Variants in PRPF4 observed in about 807,000 individuals in gnomAD.
PRPF4 encodes the protein pre-mRNA splicing tri-snRNP complex factor PRPF4.
A neutral mutation model predicts 72.2 loss-of-function variants in PRPF4; 14 were observed. The ratio of observed to expected loss-of-function variants is 0.19; its 90% confidence interval spans 0.13 to 0.30. The LOEUF is 0.30. PRPF4 is among the 10% of genes least tolerant of loss of function. The pLI is 1.00. For missense variants in PRPF4, 478 were observed against 653.9 expected, an observed-to-expected ratio of 0.73 and a Z score of 2.93; for synonymous variants, 225 against 232.2, an observed-to-expected ratio of 0.97 and a Z score of 0.28.
intron 3 of PRPF4, among the ~76,000 whole-genome samples, chr9:113,279,490 A>C (rs1049026459): frequency 2.0e-5 from 3 of 151,826 alleles, no homozygotes; most frequent in African/African-American, 4.8e-5. Flanking sequence ...CAGCCTCCCA[A>C]GTGGCTGGGA....
intron 10 of PRPF4, among the ~76,000 whole-genome samples, chr9:113,288,565 T>G (rs751902440): frequency 6.6e-6 from 1 of 151,742 alleles, no homozygotes; most frequent in Non-Finnish European, 1.5e-5. Flanking sequence ...ACCTCCCGAG[T>G]AGCTGGGACT....
Position 113,283,444 on chromosome 9 carries a change from A to G in PRPF4, c.616A>G (p.Arg206Gly), listed in dbSNP as rs780738543. 74 of 1,614,034 alleles carry G rather than the reference A, an allele frequency of 4.6e-5. No individual in the cohort carries two copies. In the East Asian group the frequency reaches 1.5e-3, roughly 34 times the overall value. ...RLHKEIPETT[R>G]TSQMQELHKS... The stretch of plus-strand genomic sequence containing the variant: ...CCATAAGGAGATTCCTGAGACAACA[A>G]GGACCTCCCAGATGCAAGAGCTGCA... The change falls in exon 6 of 14, where the codon AGG becomes GGG. Residue 206 changes from arginine to glycine, a missense_variant. Transcript: ENST00000374198.
intron 2 of PRPF4, 82 bp downstream of exon 2, chr9:113,276,807 G>A: frequency 7.0e-7 from 1 of 1,436,102 alleles, no homozygotes; most frequent in South Asian, 1.4e-5. Flanking sequence ...GTTTTATAAT[G>A]TCAAAAAATT....
chr9:113,282,092 G>T (rs1194775787), intron 3 of PRPF4, among the ~76,000 whole-genome samples: 1 of 152,196 alleles, frequency 6.6e-6, no homozygotes, highest in Non-Finnish European at 1.5e-5. Context: ...ATTGCTTATA[G>T]TTGAATTTTG....
At chr9:113,279,466 C>T (rs759788444) in intron 3 of PRPF4, among the ~76,000 whole-genome samples, 66 of 152,216 alleles carry the variant, frequency 4.3e-4, no homozygotes, top group Non-Finnish European at 5.0e-4. Flanking sequence ...CGGGTTCAAG[C>T]GATTTTCCTG....
At chr9:113,280,243 AC>A (rs1832237120) in intron 3 of PRPF4, among the ~76,000 whole-genome samples, 1 of 151,834 alleles carries the variant, frequency 6.6e-6, no homozygotes, top group South Asian at 2.1e-4. Flanking sequence ...CTCTTCTCTC[AC>A]TAGCTAATTC....
intron 2 of PRPF4, among the ~76,000 whole-genome samples, chr9:113,278,307 G>A (rs185964340): frequency 2.4e-4 from 37 of 152,364 alleles, no homozygotes; most frequent in African/African-American, 8.4e-4. Flanking sequence ...AGGGACATCT[G>A]TCAGGTTTCT....
chr9:113,281,201 C>A (rs903736947), intron 3 of PRPF4, among the ~76,000 whole-genome samples: 10 of 152,178 alleles, frequency 6.6e-5, no homozygotes, highest in Non-Finnish European at 1.5e-4. Context: ...TGTCAAACTT[C>A]TTATTCTTTC....
chr9:113,291,051 C>T (rs1450480411), intron 13 of PRPF4, 35 bp downstream of exon 13: 1 of 1,563,144 alleles, frequency 6.4e-7, no homozygotes, highest in African/African-American at 1.4e-5. Context: ...CTAAATGACA[C>T]AGACAAACAG....
intron 9 of PRPF4, among the ~76,000 whole-genome samples, chr9:113,287,220 T>C (rs575211859): frequency 1.6e-4 from 25 of 152,360 alleles, no homozygotes; most frequent in African/African-American, 6.0e-4. Flanking sequence ...GATTTTTGTC[T>C]ATAGCCTAGT....
chr9:113,283,235 A>G (rs1202534927), intron 5 of PRPF4, 24 bp downstream of exon 5: 1 of 1,614,034 alleles, frequency 6.2e-7, no homozygotes, highest in Admixed American at 1.7e-5. Flanking sequence ...CCAGTAGAAG[A>G]AAGAAGCATA....
chr9:113,282,092 G>A (rs1194775787), intron 3 of PRPF4, among the ~76,000 whole-genome samples: 1 of 152,196 alleles, frequency 6.6e-6, no homozygotes, highest in Non-Finnish European at 1.5e-5. Context: ...ATTGCTTATA[G>A]TTGAATTTTG....
At chr9:113,276,123 G>A (rs759228032) in intron 1 of PRPF4, among the ~76,000 whole-genome samples, 22 of 152,182 alleles carry the variant, frequency 1.4e-4, no homozygotes, top group Non-Finnish European at 2.9e-4. Context: ...TCACGTCTAG[G>A]AACGTTTGAA....
rs1364750622 is a variant in PRPF4 at position 113,291,693 on chromosome 9, T to G, written c.*33T>G. 5 of 1,597,400 alleles carry G rather than the reference T, an allele frequency of 3.1e-6. No individual in the cohort carries two copies. The highest frequency in any genetic ancestry group is 1.1e-5 in the South Asian group (1 of 90,466). ...TGGGAAAAGGACTTGAACCTCAAGC[T>G]CTCTCTAAGGAGCTGTTTTCCTCAA... is the stretch of plus-strand genomic sequence containing the variant. On this transcript the variant is annotated 3_prime_UTR_variant, in exon 14 of 14. Coordinates refer to ENST00000374198, the MANE Select transcript of PRPF4 (RefSeq NM_001244926.2).
intron 2 of PRPF4, among the ~76,000 whole-genome samples, chr9:113,277,976 G>C (rs1832162797): frequency 1.3e-5 from 2 of 151,766 alleles, no homozygotes; most frequent in South Asian, 4.2e-4. Context: ...GCGAGACCCT[G>C]TCTCAAAAAA....
At position 113,291,859 on chromosome 9, in the gene PRPF4, G is replaced by A. The variant is rs188349748; in HGVS notation, c.*199G>A. 99 of 552,830 alleles carry A rather than the reference G, an allele frequency of 1.8e-4. No homozygotes were observed. Among genetic ancestry groups the A allele is most frequent in the African/African-American group, 1.7e-3 (88 of 53,000 alleles). The allele number at this position is 552,830 out of a possible 1,614,324, so 34.2% of individuals were successfully genotyped here. On this transcript the variant is annotated 3_prime_UTR_variant, in exon 14 of 14. Transcript: ENST00000374198. ...CTAGGTGATGGGGAACCCCTCTCAC[G>A]GTTGAAAATTTATTACCTTTTTACG...
rs141065828 is a variant in PRPF4, at chr9:113,277,060, G to A, written c.205+335G>A. 9.4e-3 allele frequency among the ~76,000 whole-genome samples: 1,431 copies of A among 152,074 alleles called. 18 individuals carry two copies. The highest frequency in any genetic ancestry group is 0.014 in the Middle Eastern group (4 of 294). ...AAACTCCTGACCTTGTGATCCGCCCGCCTCGTCCTCCTAAAGTGCTGGGAT... is the reference window on the plus strand; with the variant it reads ...AAACTCCTGACCTTGTGATCCGCCCACCTCGTCCTCCTAAAGTGCTGGGAT... On this transcript the variant is annotated intron_variant, in intron 2 of 13. Coordinates refer to ENST00000374198, the MANE Select transcript of PRPF4 (RefSeq NM_001244926.2).
At chr9:113,280,365 G>T (rs536860449) in intron 3 of PRPF4, among the ~76,000 whole-genome samples, 102 of 152,240 alleles carry the variant, frequency 6.7e-4, no homozygotes, top group Non-Finnish European at 1.2e-3. Flanking sequence ...TTCACTGTGT[G>T]TTCTGATGAT....
In PRPF4 at chr9:113,288,203, C is replaced by T. The variant is rs1353158885; in HGVS notation, c.961C>T (p.His321Tyr). 6.2e-7 allele frequency: 1 copy of T among 1,614,208 alleles called. No individual in the cohort carries two copies. The highest frequency in any genetic ancestry group is 2.2e-5 in the East Asian group (1 of 44,882). ...SDEPVADIEG[H>Y]TVRVARVMWH... Reference sequence around the variant, plus strand: ...TGAACCAGTGGCAGATATTGAAGGCCATACAGTGCGTGTGGCGCGGGTAAT... The same window carrying T: ...TGAACCAGTGGCAGATATTGAAGGCTATACAGTGCGTGTGGCGCGGGTAAT... The change falls in exon 10 of 14, where the codon CAT becomes TAT. Residue 321 changes from histidine to tyrosine, a missense_variant. Coordinates refer to ENST00000374198, the MANE Select transcript of PRPF4 (RefSeq NM_001244926.2).
Sources: allele counts gnomAD v4.1 joint callset (sites outside exome capture counted in the v4.1 genomes callset), GRCh38; gene constraint gnomAD v4.1.1; transcripts MANE v1.5; gene names NCBI Gene and HGNC (gene_info 2026-07-23, HGNC 2026-07-21).